The following SHPRH variants were observed in gnomAD, a reference collection of about 807,000 sequenced individuals.
The protein encoded by SHPRH is E3 ubiquitin-protein ligase SHPRH.
A neutral mutation model predicts 202.5 loss-of-function variants in SHPRH; 106 were observed. The ratio of observed to expected loss-of-function variants is 0.52; its 90% CI spans 0.45 to 0.62. The LOEUF (loss-of-function observed/expected upper bound fraction) is 0.62. Ranked by LOEUF, SHPRH falls within the 20% of genes least tolerant of loss-of-function variation. The probability of loss-of-function intolerance (pLI) is 0.00; values close to 1 mark genes in which losing one functional copy is unlikely to be tolerated. For missense variants in SHPRH, 1,710 were observed against 2,020.0 expected, an observed-to-expected ratio of 0.85 and a Z score of 2.94; for synonymous variants, 729 against 686.0, an observed-to-expected ratio of 1.06 and a Z score of -0.98.
Position 145,945,388 on chromosome 6 carries a change from T to C in SHPRH, c.1571A>G (p.Lys524Arg). Reference sequence around the variant, plus strand: ...GAACTTAAGCTCTGTTACCTGCTTTTTTGTTTTATCACATATATCCTCTTC... The same window carrying C: ...GAACTTAAGCTCTGTTACCTGCTTTCTTGTTTTATCACATATATCCTCTTC... Reference protein sequence around the residue: ...YKEEDICDKTKKQAVGSPRKI... With the variant: ...YKEEDICDKTRKQAVGSPRKI... The change falls in exon 8 of 30, where the codon AAA becomes AGA. Residue 524 changes from lysine to arginine, a missense_variant. Transcript: ENST00000275233. The C allele has an allele frequency of 6.2e-7, 1 of 1,608,846 alleles. No homozygotes were observed. Among genetic ancestry groups the C allele is most frequent in the Non-Finnish European group, 8.5e-7 (1 of 1,178,074 alleles).
intron 24 of SHPRH, 131 bp from the exon 25 acceptor site, chr6:145,910,767 G>T: frequency 2.3e-6 from 2 of 871,742 alleles, no homozygotes; most frequent in Non-Finnish European, 3.3e-6. Context: ...ATAAAGCCAA[G>T]TTGTGCCTTC....
chr6:145,913,105 G>A (rs991994722), intron 24 of SHPRH, among the ~76,000 whole-genome samples: 1 of 152,092 alleles, frequency 6.6e-6, no homozygotes, highest in Non-Finnish European at 1.5e-5. Context: ...CTATACTAAT[G>A]TAATACCTTA....
intron 2 of SHPRH, among the ~76,000 whole-genome samples, chr6:145,874,542 T>C (rs1024677958): frequency 2.0e-5 from 3 of 152,212 alleles, no homozygotes; most frequent in African/African-American, 7.2e-5. Context: ...TAATGTAATG[T>C]TTTGATATAC....
In SHPRH at chr6:145,886,341, A is replaced by C; in HGVS notation, c.*350T>G. On this transcript the variant is annotated 3_prime_UTR_variant, in exon 30 of 30. Transcript: ENST00000275233. Reference sequence around the variant, plus strand: ...AATATACCAGGTCATATAAAACTAGACTAGTTTACTTTCTTATTCCAACTG... The same window carrying C: ...AATATACCAGGTCATATAAAACTAGCCTAGTTTACTTTCTTATTCCAACTG... 1.6e-6 allele frequency: 1 copy of C among 617,824 alleles called. No homozygotes were observed. The highest frequency in any genetic ancestry group is 3.0e-6 in the Non-Finnish European group (1 of 337,628). The allele number at this position is 617,824 out of a possible 1,614,324, so 38.3% of individuals were successfully genotyped here.
intron 1 of SHPRH, among the ~76,000 whole-genome samples, chr6:145,961,569 C>T: frequency 6.6e-6 from 1 of 152,182 alleles, no homozygotes; most frequent in East Asian, 1.9e-4. Flanking sequence ...AACATTACTT[C>T]AACTATTTAT....
chr6:145,899,286 T>C (rs1277072903), intron 25 of SHPRH, among the ~76,000 whole-genome samples: 1 of 152,074 alleles, frequency 6.6e-6, no homozygotes, highest in African/African-American at 2.4e-5. Context: ...TCCCTGATTC[T>C]AAAACACATT....
chr6:145,913,315 C>A (rs1028319024), intron 24 of SHPRH, among the ~76,000 whole-genome samples, 163 bp downstream of exon 24: 3 of 152,124 alleles, frequency 2.0e-5, no homozygotes, highest in African/African-American at 7.2e-5. Flanking sequence ...AACATCTAAT[C>A]CTAAGCACGT....
chr6:145,919,544 T>C, intron 21 of SHPRH, 53 bp from the exon 22 acceptor site: 2 of 1,585,198 alleles, frequency 1.3e-6, no homozygotes, highest in South Asian at 2.3e-5. Flanking sequence ...TTAAAACTGG[T>C]TAAAACCACC....
intron 6 of SHPRH, among the ~76,000 whole-genome samples, 184 bp downstream of exon 6, chr6:145,947,309 A>G (rs1367463096): frequency 6.6e-6 from 1 of 152,058 alleles, no homozygotes; most frequent in Non-Finnish European, 1.5e-5. Context: ...TTCAAAAATA[A>G]ACCTTCTGGG....
At chr6:145,941,918 T>C (rs1453657702) in intron 9 of SHPRH, 44 bp from the exon 10 acceptor site, 3 of 1,597,016 alleles carry the variant, frequency 1.9e-6, no homozygotes, top group South Asian at 2.3e-5. Flanking sequence ...AAAGGCTCAC[T>C]AAAGGCAATG....
intron 2 of SHPRH, chr6:145,877,624 C>A (rs1488328098): frequency 6.6e-6 from 1 of 152,156 alleles, no homozygotes; most frequent in Non-Finnish European, 1.5e-5. Flanking sequence ...CTTTTATTTT[C>A]TTTCCTTTCT....
At chr6:145,895,215 G>C (rs184221697) in intron 25 of SHPRH, among the ~76,000 whole-genome samples, 1 of 152,136 alleles carries the variant, frequency 6.6e-6, no homozygotes, top group Non-Finnish European at 1.5e-5. Flanking sequence ...ATGCCAGAAA[G>C]TCATTAAGTG....
At chr6:145,962,417 A>G (rs1789184966) in intron 1 of SHPRH, among the ~76,000 whole-genome samples, 1 of 152,208 alleles carries the variant, frequency 6.6e-6, no homozygotes, top group South Asian at 2.1e-4. Context: ...TTTTTGGAGA[A>G]GTCTCTCTTA....
downstream of SHPRH, chr6:145,884,044 G>C (rs972747273): frequency 6.6e-6 from 1 of 152,172 alleles, no homozygotes; most frequent in South Asian, 2.1e-4. Context: ...AGATTAAAAA[G>C]ACATGATTTC....
Position 145,921,424 on chromosome 6 carries a change from C to T in SHPRH, c.3783-32G>A, listed in dbSNP as rs751570150. On this transcript the variant is annotated intron_variant, in intron 20 of 29. Transcript: ENST00000275233. ...ACATACCAGAACAAAACAACAGTAA[C>T]TGGTATCAGTGAGTGAAAAGCAACC... The T allele has an allele frequency of 2.5e-6, 4 of 1,598,128 alleles. No homozygotes were observed. The South Asian group carries it at 3.3e-5, about 13-fold the overall frequency.
At chr6:145,912,072 C>G (rs543231976) in intron 24 of SHPRH, among the ~76,000 whole-genome samples, 1 of 151,616 alleles carries the variant, frequency 6.6e-6, no homozygotes, top group Non-Finnish European at 1.5e-5. Flanking sequence ...GGTCCACCTA[C>G]ATGTGCAATG....
chr6:145,892,837 C>CTACTT (rs1486073256), intron 28 of SHPRH, among the ~76,000 whole-genome samples: 1 of 151,926 alleles, frequency 6.6e-6, no homozygotes, highest in Non-Finnish European at 1.5e-5. Context: ...AAACACGGGA[C>CTACTT]TACTTTAGAC....
chr6:145,926,406 A>G, intron 15 of SHPRH, 110 bp from the exon 16 acceptor site: 1 of 905,510 alleles, frequency 1.1e-6, no homozygotes, highest in Non-Finnish European at 1.7e-6. Flanking sequence ...AGATCATATC[A>G]CCAAATACTT....
At chr6:145,859,286 G>A (rs1779509619), downstream of SHPRH, among the ~76,000 whole-genome samples, 4 of 151,540 alleles carry the variant, frequency 2.6e-5, no homozygotes, top group South Asian at 8.3e-4. Context: ...AAGTTTAGTT[G>A]TTACATGTCT....
Sources: allele counts gnomAD v4.1 joint callset (sites outside exome capture counted in the v4.1 genomes callset), GRCh38; gene constraint gnomAD v4.1.1; transcripts MANE v1.5; gene names NCBI Gene and HGNC (gene_info 2026-07-23, HGNC 2026-07-21).